Variants in RNF19B observed in about 807,000 individuals in gnomAD.
The protein encoded by RNF19B is E3 ubiquitin-protein ligase RNF19B.
A neutral mutation model predicts 65.5 loss-of-function variants in RNF19B; 23 were observed. The observed-to-expected ratio is 0.35, with a 90% CI of 0.25 to 0.50. The LOEUF is 0.50. Ranked by LOEUF, RNF19B falls within the 20% of genes least tolerant of loss-of-function variation. RNF19B has a pLI of 0.98. For missense variants in RNF19B, 794 were observed against 980.0 expected (o/e 0.81, Z 2.53); for synonymous variants, 372 against 379.6 (o/e 0.98, Z 0.23).
Position 32,945,444 on chromosome 1 carries a change from T to A in RNF19B, c.1261+70A>T, listed in dbSNP as rs2124134295. 3 of 917,022 alleles carry A rather than the reference T, an allele frequency of 3.3e-6. No homozygotes were observed. The East Asian group carries it at 7.3e-5, about 22-fold the overall frequency. 56.8% of individuals were successfully genotyped at this position (917,022 alleles called of 1,614,324 possible). Reference sequence around the variant, plus strand: ...AAAATGTAGGAGTCTTTGAGAAACATCTGGCCATCTGGCTAAACTGCTATG... The same window carrying A: ...AAAATGTAGGAGTCTTTGAGAAACAACTGGCCATCTGGCTAAACTGCTATG... On this transcript the variant is annotated intron_variant, in intron 5 of 8. Transcript: ENST00000235150.
chr1:32,938,712 G>T (rs866720739), intron 7 of RNF19B, among the ~76,000 whole-genome samples, 184 bp from the exon 8 acceptor site: 1 of 151,956 alleles, frequency 6.6e-6, no homozygotes, highest in African/African-American at 2.4e-5. Context: ...TATTGAAATC[G>T]TCCCCTCCTT....
In RNF19B at chr1:32,946,477, T is replaced by G. The variant is rs1570096478; in HGVS notation, c.1071A>C (p.Pro357=). 2 of 1,614,080 alleles carry G rather than the reference T, an allele frequency of 1.2e-6. No individual in the cohort carries two copies. The highest frequency in any genetic ancestry group is 1.7e-6 in the Non-Finnish European group (2 of 1,179,912). Residue 357 remains proline (P), a synonymous_variant, in exon 4 of 9, where the codon CCA becomes CCC. Transcript: ENST00000235150. The part of the protein sequence containing the change: ...LWQLGTLIGA[P]VGISLIAGIA... ...TGCCAGCAATGAGAGAAATCCCCAC[T>G]GGAGCACCAATCAACGTGCCCAGCT...
rs961054924 is a variant in RNF19B, at chr1:32,963,993, C to T, written c.635+58G>A. The T allele has an allele frequency of 4.3e-6, 6 of 1,387,864 alleles. No individual in the cohort carries two copies. The African/African-American group carries it at 9.2e-5, about 21-fold the overall frequency. 86.0% of individuals were successfully genotyped at this position (1,387,864 alleles called of 1,614,324 possible). A position where few individuals can be genotyped will look rare whatever the true frequency, so the allele number is the denominator to read the frequency against. ...ACACCCACGCGGGGTCCCTGCTGCC[C>T]CCAGCCACGCCCCTCGGCTGCAGCC... On this transcript the variant is annotated intron_variant, in intron 1 of 8. Transcript: ENST00000235150.
chr1:32,958,653 T>G (rs1003066942), intron 1 of RNF19B, among the ~76,000 whole-genome samples: 4 of 151,554 alleles, frequency 2.6e-5, no homozygotes, highest in African/African-American at 9.7e-5. Context: ...GAGGTGGAGC[T>G]TGCAGTGAGC....
intron 7 of RNF19B, among the ~76,000 whole-genome samples, chr1:32,939,342 C>CA (rs997659857): frequency 6.6e-6 from 1 of 152,200 alleles, no homozygotes; most frequent in Non-Finnish European, 1.5e-5. Flanking sequence ...TTCCCACCAC[C>CA]ACACCCAGCT....
intron 7 of RNF19B, 25 bp from the exon 8 acceptor site, chr1:32,938,553 T>A (rs377742727): frequency 6.2e-7 from 1 of 1,610,806 alleles, no homozygotes; most frequent in South Asian, 1.1e-5. Context: ...GACGTTCAAG[T>A]TAATATGAGA....
At chr1:32,933,022 T>C (rs1369460750), downstream of RNF19B, among the ~76,000 whole-genome samples, 2 of 152,202 alleles carry the variant, frequency 1.3e-5, no homozygotes, top group East Asian at 3.8e-4. Flanking sequence ...TCATGTCAAG[T>C]AGCACTATCT....
At position 32,942,252 on chromosome 1, in the gene RNF19B, C is replaced by A; in HGVS notation, c.1610G>T (p.Arg537Met). ...TGTCAGAAATTATCTATTTGTTTAC[C>A]TGCTATATTTTCCCTTGCCACTGGA... ...ILSSGKGKYS[R>M]LEVQADVQKE... Residue 537 changes from arginine to methionine, a missense_variant and splice_region_variant, in exon 7 of 9, where the codon AGG becomes ATG. By Grantham distance (91) the Arg-to-Met change is moderately conservative (BLOSUM62 -1). Coordinates refer to ENST00000235150, the MANE Select transcript of RNF19B (RefSeq NM_001300826.2). The A allele has an allele frequency of 6.3e-7, 1 of 1,599,776 alleles. No homozygotes were observed. Among genetic ancestry groups the A allele is most frequent in the Non-Finnish European group, 8.6e-7 (1 of 1,168,414 alleles).
intron 7 of RNF19B, 84 bp downstream of exon 7, chr1:32,942,168 C>T (rs1357649605): frequency 1.8e-6 from 2 of 1,103,378 alleles, no homozygotes; most frequent in Non-Finnish European, 2.7e-6. Flanking sequence ...TGATACGTGG[C>T]ACAAGCCTGG....
intron 1 of RNF19B, among the ~76,000 whole-genome samples, chr1:32,953,523 G>A (rs889987273): frequency 7.9e-5 from 12 of 152,014 alleles, no homozygotes; most frequent in Non-Finnish European, 1.5e-4. Context: ...GAATGATGCT[G>A]AAAATATAAA....
At chr1:32,947,147 T>C (rs1279945742) in intron 3 of RNF19B, among the ~76,000 whole-genome samples, 1 of 152,194 alleles carries the variant, frequency 6.6e-6, no homozygotes, top group Non-Finnish European at 1.5e-5. Context: ...CTAGAAGGGA[T>C]AAACAATTTT....
intron 4 of RNF19B, 149 bp from the exon 5 acceptor site, chr1:32,945,777 C>G (rs1244069210): frequency 3.7e-6 from 2 of 542,740 alleles, no homozygotes; most frequent in Non-Finnish European, 6.6e-6. Flanking sequence ...AAATTTTAAC[C>G]TAACTCAGAC....
chr1:32,942,240 CTATT>C lies in RNF19B; in HGVS notation c.1610+8_1610+11del, dbSNP rs748592065. Reference sequence around the variant, plus strand: ...TCTAACCATTTCTGTCAGAAATTATCTATTTGTTTACCTGCTATATTTTCCCTTG... The same window carrying C: ...TCTAACCATTTCTGTCAGAAATTATCTGTTTACCTGCTATATTTTCCCTTG... On this transcript the variant is annotated splice_region_variant and intron_variant, in intron 7 of 8. Transcript: ENST00000235150. 34 of 1,590,666 alleles carry C rather than the reference CTATT, an allele frequency of 2.1e-5. No homozygotes were observed. The South Asian group carries it at 2.3e-4, about 11-fold the overall frequency.
intron 7 of RNF19B, among the ~76,000 whole-genome samples, chr1:32,940,247 T>G (rs1182534786): frequency 6.6e-6 from 1 of 152,186 alleles, no homozygotes; most frequent in Non-Finnish European, 1.5e-5. Flanking sequence ...GCAACGGCTG[T>G]GCTAGAATTA....
the RNF19B span, among the ~76,000 whole-genome samples, chr1:32,931,394 T>C: frequency 6.6e-6 from 1 of 152,118 alleles, no homozygotes; most frequent in African/African-American, 2.4e-5. Flanking sequence ...CGAGAAGTAT[T>C]AGTATTCCCC....
intron 1 of RNF19B, among the ~76,000 whole-genome samples, chr1:32,961,208 T>C (rs559335101): frequency 7.9e-5 from 12 of 152,258 alleles, no homozygotes; most frequent in African/African-American, 2.9e-4. Flanking sequence ...AAAAATAACG[T>C]AGGTAGGAGG....
intron 3 of RNF19B, among the ~76,000 whole-genome samples, chr1:32,947,991 A>G (rs1159297100): frequency 6.6e-6 from 1 of 152,168 alleles, no homozygotes; most frequent in African/African-American, 2.4e-5. Context: ...TATGGAGGCA[A>G]GACAGCAAAA....
downstream of RNF19B, among the ~76,000 whole-genome samples, chr1:32,935,269 C>T (rs1557560794): frequency 1.3e-5 from 2 of 152,092 alleles, no homozygotes; most frequent in East Asian, 3.9e-4. Flanking sequence ...TCCCGAGTAG[C>T]TGGAATTACA....
At chr1:32,939,470 G>A (rs1326275888) in intron 7 of RNF19B, among the ~76,000 whole-genome samples, 1 of 152,102 alleles carries the variant, frequency 6.6e-6, no homozygotes, top group Admixed American at 6.5e-5. Flanking sequence ...GCGTGCGCAG[G>A]CCCTGCCTAC....
Sources: gnomAD v4.1 joint callset for allele counts (sites outside exome capture counted in the v4.1 genomes callset) on GRCh38, gnomAD v4.1.1 for gene constraint, MANE v1.5 for transcripts, NCBI Gene and HGNC (gene_info 2026-07-23, HGNC 2026-07-21) for gene names.